Variants in MAPK9 observed in about 807,000 individuals in gnomAD.
The protein encoded by MAPK9 is mitogen-activated protein kinase 9.
MAPK9 carries 30 observed loss-of-function variants against 57.1 expected under a neutral mutation model. That is an observed-to-expected ratio of 0.53 (90% CI 0.39 to 0.71). MAPK9 has a LOEUF of 0.71. Among genes scored for constraint, MAPK9 ranks in the 30% least tolerant of loss-of-function variants. MAPK9 has a pLI of 0.00. For synonymous variants in MAPK9, 155 were observed against 177.0 expected (o/e 0.88, Z 0.99); for missense variants, 362 against 521.0 (o/e 0.69, Z 2.97).
chr5:180,267,284 G>A (rs923212311), intron 3 of MAPK9, among the ~76,000 whole-genome samples: 6 of 151,992 alleles, frequency 3.9e-5, no homozygotes, highest in Non-Finnish European at 7.4e-5. Context: ...AAACAAGTCC[G>A]GGTGCGGTGG....
At chr5:180,264,900 T>A (rs773071973) in intron 3 of MAPK9, 61 bp from the exon 4 acceptor site, 3 of 1,351,750 alleles carry the variant, frequency 2.2e-6, no homozygotes, top group Non-Finnish European at 3.0e-6. Context: ...AAAAATTAAG[T>A]TTAATATTGA....
chr5:180,289,139 TTTATC>T (rs768759962), intron 1 of MAPK9, among the ~76,000 whole-genome samples: 5 of 152,216 alleles, frequency 3.3e-5, no homozygotes, highest in Non-Finnish European at 7.3e-5. Flanking sequence ...TGGTCTCTGT[TTTATC>T]TTATGCCTCA....
At chr5:180,236,726 T>C (rs1757202762) in intron 11 of MAPK9, 200 bp from the exon 12 acceptor site, 1 of 462,386 alleles carries the variant, frequency 2.2e-6, no homozygotes, top group East Asian at 3.3e-5. Flanking sequence ...CCCATATTCC[T>C]ATGTCTTTCC....
At chr5:180,268,389 G>C (rs1458076363) in intron 3 of MAPK9, among the ~76,000 whole-genome samples, 1 of 152,164 alleles carries the variant, frequency 6.6e-6, no homozygotes, top group Non-Finnish European at 1.5e-5. Flanking sequence ...AAAATATTTA[G>C]TTGTTTCTCA....
chr5:180,269,881 T>C (rs1761094638), intron 2 of MAPK9, among the ~76,000 whole-genome samples: 1 of 152,198 alleles, frequency 6.6e-6, no homozygotes, highest in Admixed American at 6.5e-5. Context: ...TTTTCACAAA[T>C]AACAGTATCT....
Position 180,236,549 on chromosome 5 carries a change from A to C in MAPK9, c.1133-23T>G, listed in dbSNP as rs917182550. 9 of 1,603,518 alleles carry C rather than the reference A, an allele frequency of 5.6e-6. No individual in the cohort carries two copies. The highest frequency in any genetic ancestry group is 1.7e-5 in the Admixed American group (1 of 59,704). On this transcript the variant is annotated intron_variant, in intron 11 of 11. Transcript: ENST00000452135. ...CATCTGTGCTAAGAAAACCAAATAT[A>C]ATAAAATCTGAGGCACGACATTGCT...
At chr5:180,279,838 A>C in intron 2 of MAPK9, 1 of 456,576 alleles carries the variant, frequency 2.2e-6, no homozygotes, top group South Asian at 1.5e-5. Flanking sequence ...CCGTCTTACC[A>C]TGCAAGAGAC....
Position 180,265,945 on chromosome 5 carries a change from C to A in MAPK9, c.253-1106G>T, listed in dbSNP as rs6866937. ...TAGATAAACATTTATATAATCCTAGCGTAGAAAATCTTTTCTAAACATGAC... is the reference window on the plus strand; with the variant it reads ...TAGATAAACATTTATATAATCCTAGAGTAGAAAATCTTTTCTAAACATGAC... On this transcript the variant is annotated intron_variant, in intron 3 of 11. Coordinates refer to ENST00000452135, the MANE Select transcript of MAPK9 (RefSeq NM_002752.5). Among the ~76,000 whole-genome samples the A allele has an allele frequency of 1.9e-4, 29 of 152,298 alleles. No homozygotes were observed. The East Asian group carries it at 5.4e-3, about 28-fold the overall frequency.
At chr5:180,280,155 A>G (rs1038499979) in intron 2 of MAPK9, 10 of 461,010 alleles carry the variant, frequency 2.2e-5, no homozygotes, top group South Asian at 2.0e-4. Flanking sequence ...TACTACTCTG[A>G]TATCATAATG....
At chr5:180,248,123 C>T (rs1267306999) in intron 6 of MAPK9, among the ~76,000 whole-genome samples, 1 of 152,278 alleles carries the variant, frequency 6.6e-6, no homozygotes, top group Non-Finnish European at 1.5e-5. Flanking sequence ...GCGGCACAGG[C>T]TGGCTGGCTT....
At chr5:180,275,797 T>C (rs35823279) in intron 2 of MAPK9, among the ~76,000 whole-genome samples, 2,237 of 152,348 alleles carry the variant, frequency 0.015, 108 homozygotes, top group Admixed American at 0.099. Flanking sequence ...CCACAGCCTC[T>C]GTAGTTTTAC....
intron 9 of MAPK9, among the ~76,000 whole-genome samples, chr5:180,240,628 G>A (rs546100738): frequency 6.6e-6 from 1 of 152,182 alleles, no homozygotes; most frequent in Non-Finnish European, 1.5e-5. Context: ...CTCCTCCAGC[G>A]GGGGAACCAG....
At chr5:180,279,029 C>T (rs1237173784) in intron 2 of MAPK9, among the ~76,000 whole-genome samples, 2 of 150,046 alleles carry the variant, frequency 1.3e-5, no homozygotes, top group Non-Finnish European at 3.0e-5. Context: ...GCGATCTTGG[C>T]TCACTGCAAC....
chr5:180,285,850 G>A (rs62404891), intron 1 of MAPK9, among the ~76,000 whole-genome samples: 26,383 of 151,758 alleles, frequency 0.17, 2,925 homozygotes, highest in Non-Finnish European at 0.25. Context: ...AGGCTGTGGC[G>A]TGTGGATCAC....
At chr5:180,265,098 T>C (rs949414897) in intron 3 of MAPK9, among the ~76,000 whole-genome samples, 3 of 152,220 alleles carry the variant, frequency 2.0e-5, no homozygotes, top group African/African-American at 7.2e-5. Context: ...AATGTCTTTT[T>C]GAACATAAAA....
chr5:180,248,148 G>A (rs34165851), intron 6 of MAPK9, among the ~76,000 whole-genome samples: 2 of 152,388 alleles, frequency 1.3e-5, no homozygotes, highest in African/African-American at 2.4e-5. Flanking sequence ...GACTGCAGGT[G>A]AGGCCCTGCT....
At chr5:180,291,659 G>A (rs1763250557) in intron 1 of MAPK9, among the ~76,000 whole-genome samples, 189 bp downstream of exon 1, 3 of 151,760 alleles carry the variant, frequency 2.0e-5, no homozygotes, top group South Asian at 2.1e-4. Context: ...GCAGCCCGGG[G>A]CTGCTGACAG....
At chr5:180,242,512 A>T (rs1487366237) in intron 8 of MAPK9, 61 bp downstream of exon 8, 2 of 1,459,980 alleles carry the variant, frequency 1.4e-6, no homozygotes. Flanking sequence ...TACAAACATG[A>T]AAGAGTGAAA....
intron 3 of MAPK9, among the ~76,000 whole-genome samples, chr5:180,267,938 C>T (rs1760819367): frequency 6.6e-6 from 1 of 152,170 alleles, no homozygotes; most frequent in Non-Finnish European, 1.5e-5. Context: ...TCTCAGCTCA[C>T]TGCAAGCTCT....
Sources: gnomAD v4.1 joint callset for allele counts (sites outside exome capture counted in the v4.1 genomes callset) on GRCh38, gnomAD v4.1.1 for gene constraint, MANE v1.5 for transcripts, NCBI Gene and HGNC (gene_info 2026-07-23, HGNC 2026-07-21) for gene names.